ADGRV1: variants seen among roughly 807,000 people sequenced by gnomAD.
ADGRV1 encodes G-protein coupled receptor 98.
ADGRV1 carries 359 observed loss-of-function variants against 596.2 expected under a neutral mutation model. That is an observed-to-expected ratio of 0.60 (90% confidence interval 0.55 to 0.66). ADGRV1 has a LOEUF of 0.66. Ranked by LOEUF, ADGRV1 falls within the 30% of genes least tolerant of loss-of-function variation. The probability of loss-of-function intolerance (pLI) is 0.00; values close to 1 mark genes in which losing one functional copy is unlikely to be tolerated. For synonymous variants in ADGRV1, 2,681 were observed against 2,679.2 expected, an observed-to-expected ratio of 1.00 and a Z score of -0.02; for missense variants, 7,274 against 7,575.6, an observed-to-expected ratio of 0.96 and a Z score of 1.48.
At chr5:91,094,484 T>C (rs1790680051) in intron 86 of ADGRV1, among the ~76,000 whole-genome samples, 1 of 151,458 alleles carries the variant, frequency 6.6e-6, no homozygotes, top group South Asian at 2.1e-4. Context: ...AAAAGATGTT[T>C]CTCTGGCCAT....
intron 16 of ADGRV1, 64 bp downstream of exon 16, chr5:90,646,155 T>C: frequency 1.7e-6 from 2 of 1,207,488 alleles, no homozygotes; most frequent in South Asian, 4.2e-5. Context: ...TAAATGTATA[T>C]ATGCACGTGC....
chr5:91,135,645 G>A (rs1034793326), intron 87 of ADGRV1, among the ~76,000 whole-genome samples: 2 of 152,264 alleles, frequency 1.3e-5, no homozygotes, highest in Admixed American at 6.5e-5. Flanking sequence ...TAGGCCCCAG[G>A]CAATACAGGC....
intron 83 of ADGRV1, among the ~76,000 whole-genome samples, chr5:90,944,950 T>C (rs1331051387): frequency 6.6e-6 from 1 of 152,176 alleles, no homozygotes; most frequent in African/African-American, 2.4e-5. Context: ...AAAATTAAAT[T>C]CCAAAATTTC....
rs145965201 is a variant in ADGRV1, at chr5:90,697,072, A to G, written c.8081A>G (p.Asn2694Ser). The G allele has an allele frequency of 3.7e-6, 6 of 1,613,512 alleles. No homozygotes were observed. Among genetic ancestry groups the G allele is most frequent in the Non-Finnish European group, 5.1e-6 (6 of 1,179,508 alleles). Residue 2694 changes from asparagine to serine, a missense_variant, in exon 34 of 90, where the codon AAC (asparagine) becomes AGC (serine). Around this residue, in one of 5 missense-constraint regions of ADGRV1, gnomAD observed 3,643 missense variants for 3,809.2 expected, o/e 0.96. Coordinates refer to ENST00000405460, the MANE Select transcript of ADGRV1 (RefSeq NM_032119.4). ...ILPSSDTVRV[N>S]ILANDNVAGI... Reference sequence around the variant, plus strand: ...CCAAGCTCCGACACTGTTAGAGTGAACATTTTGGCCAATGACAATGTGGCA... The same window carrying G: ...CCAAGCTCCGACACTGTTAGAGTGAGCATTTTGGCCAATGACAATGTGGCA...
chr5:91,112,175 G>A (rs540559811), intron 87 of ADGRV1, among the ~76,000 whole-genome samples: 1 of 152,180 alleles, frequency 6.6e-6, no homozygotes, highest in Non-Finnish European at 1.5e-5. Flanking sequence ...CTAAATAAAA[G>A]TGTCAAGGTC....
intron 48 of ADGRV1, among the ~76,000 whole-genome samples, chr5:90,727,231 G>A (rs1322100586): frequency 2.0e-5 from 3 of 152,128 alleles, no homozygotes; most frequent in Admixed American, 2.0e-4. Flanking sequence ...GGGTCAACAG[G>A]CGTGTGTCAC....
At chr5:90,687,388 A>G (rs1372062767) in intron 29 of ADGRV1, among the ~76,000 whole-genome samples, 11 of 152,254 alleles carry the variant, frequency 7.2e-5, no homozygotes, top group Non-Finnish European at 1.3e-4. Flanking sequence ...TAATTGTTGT[A>G]TAAGGTGTAA....
intron 87 of ADGRV1, among the ~76,000 whole-genome samples, chr5:91,148,802 G>A (rs1168503942): frequency 2.6e-5 from 4 of 152,142 alleles, no homozygotes; most frequent in African/African-American, 4.8e-5. Flanking sequence ...AGCTGGGAGG[G>A]GGTCTGTAAT....
chr5:90,987,277 A>T (rs1041911518), intron 85 of ADGRV1, among the ~76,000 whole-genome samples: 1 of 151,986 alleles, frequency 6.6e-6, no homozygotes, highest in Non-Finnish European at 1.5e-5. Flanking sequence ...TCAGGAGATC[A>T]AGACCATTCT....
At position 91,025,370 on chromosome 5, in the gene ADGRV1, G is replaced by A. The variant is rs576448923; in HGVS notation, c.18152+39848G>A. On this transcript the variant is annotated intron_variant, in intron 85 of 89. Coordinates refer to ENST00000405460, the MANE Select transcript of ADGRV1 (RefSeq NM_032119.4). ...TTTTTTTAGGCCATGTCTTATCTAA[G>A]CCAGATAGTTGAGCATTTTAATACA... Among the ~76,000 whole-genome samples the A allele has an allele frequency of 4.6e-5, 7 of 151,874 alleles. No individual in the cohort carries two copies. In the South Asian group the frequency reaches 1.0e-3, roughly 23 times the overall value.
chr5:91,092,254 C>A (rs1460777006), intron 86 of ADGRV1, among the ~76,000 whole-genome samples: 2 of 152,124 alleles, frequency 1.3e-5, no homozygotes, highest in Admixed American at 6.6e-5. Flanking sequence ...TGCCTGCCAC[C>A]AGGCTGGCTA....
At chr5:91,012,779 A>G (rs1390918756) in intron 85 of ADGRV1, among the ~76,000 whole-genome samples, 2 of 152,018 alleles carry the variant, frequency 1.3e-5, no homozygotes, top group Non-Finnish European at 2.9e-5. Flanking sequence ...TTTGTTATAC[A>G]AGTAAATTTG....
In ADGRV1 at chr5:90,617,908, C is replaced by T. The variant is rs780624271; in HGVS notation, c.312C>T (p.Asp104=). ...RTVYIAVCDD[D]LPEPDETFIF... ...TGTACATAGCAGTATGTGATGATGA[C>T]TTACCAGAGCCTGACGAAACTTTTA... The change falls in exon 3 of 90, where the codon GAC becomes GAT. Residue 104 remains aspartate, a synonymous_variant. Coordinates refer to ENST00000405460, the MANE Select transcript of ADGRV1 (RefSeq NM_032119.4). The T allele has an allele frequency of 4.4e-6, 7 of 1,593,684 alleles. No homozygotes were observed. The highest frequency in any genetic ancestry group is 2.2e-5 in the East Asian group (1 of 44,498).
chr5:90,642,771 G>GA lies in ADGRV1; in HGVS notation c.2367+16dup. 1.9e-6 allele frequency: 3 copies of GA among 1,605,504 alleles called. No individual in the cohort carries two copies. The highest frequency in any genetic ancestry group is 2.5e-6 in the Non-Finnish European group (3 of 1,177,458). On this transcript the variant is annotated intron_variant, in intron 12 of 89. Transcript: ENST00000405460. ...GACCCTATGTTATAAAAGTAAGTAC[G>GA]AAAAAAACTTCCATTTATTCTGTGC... is the stretch of plus-strand genomic sequence containing the variant.
intron 76 of ADGRV1, among the ~76,000 whole-genome samples, chr5:90,826,058 T>C (rs1011057556): frequency 9.9e-5 from 15 of 152,192 alleles, no homozygotes; most frequent in African/African-American, 3.4e-4. Context: ...AGAGAGAAGA[T>C]GGAAGATGAT....
chr5:90,667,720 T>G (rs1246324302), intron 21 of ADGRV1, among the ~76,000 whole-genome samples: 5 of 152,180 alleles, frequency 3.3e-5, no homozygotes, highest in Non-Finnish European at 7.3e-5. Context: ...TTCTGTTCTG[T>G]TTTTTCCCCA....
Position 90,622,612 on chromosome 5 carries a change from G to A in ADGRV1, c.469G>A (p.Val157Met). 6.8e-7 allele frequency: 1 copy of A among 1,461,662 alleles called. No individual in the cohort carries two copies. Among genetic ancestry groups the A allele is most frequent in the Non-Finnish European group, 9.0e-7 (1 of 1,105,086 alleles). The allele number at this position is 1,461,662 out of a possible 1,614,324, so 90.5% of individuals were successfully genotyped here. The change falls in exon 5 of 90, where the codon GTG becomes ATG. Residue 157 changes from valine to methionine, a missense_variant. Physicochemically the swap from Val to Met is conservative, Grantham distance 21. Transcript: ENST00000405460. ...ISFNMLPSIAVSEPKGRNESM... is the reference protein window; with the variant it reads ...ISFNMLPSIAMSEPKGRNESM... ...TCCTCAATAGCTTCCCTCAATCGCA[G>A]TGAGTGAGCCCAAGGGCAGAAATGA...
intron 29 of ADGRV1, among the ~76,000 whole-genome samples, chr5:90,687,280 C>CT (rs1561527910): frequency 1.3e-5 from 2 of 152,080 alleles, no homozygotes; most frequent in Non-Finnish European, 2.9e-5. Flanking sequence ...ACATGAAGTC[C>CT]TTGCCCATGC....
chr5:90,730,015 G>A (rs1395035937), intron 50 of ADGRV1, among the ~76,000 whole-genome samples: 1 of 152,042 alleles, frequency 6.6e-6, no homozygotes, highest in Non-Finnish European at 1.5e-5. Flanking sequence ...ACAGGCGTCC[G>A]CCACCATGTC....
Sources: gnomAD v4.1 joint callset for allele counts (sites outside exome capture counted in the v4.1 genomes callset) on GRCh38, gnomAD v4.1.1 for gene constraint, gnomAD v4.1.1 regional missense constraint, MANE v1.5 for transcripts, NCBI Gene and HGNC (gene_info 2026-07-23, HGNC 2026-07-21) for gene names.